Variants in APBB1IP observed in about 807,000 individuals in gnomAD.
The protein encoded by APBB1IP is amyloid beta precursor protein binding family B member 1 interacting protein.
APBB1IP carries 27 observed loss-of-function variants against 64.9 expected under a neutral mutation model. The ratio of observed to expected loss-of-function variants is 0.42; its 90% CI spans 0.31 to 0.57. The LOEUF is 0.57. Among genes scored for constraint, APBB1IP ranks in the 20% least tolerant of loss-of-function variants. The pLI is 0.20. For synonymous variants in APBB1IP, 392 were observed against 331.0 expected (o/e 1.18, Z -2.00); for missense variants, 812 against 845.5 (o/e 0.96, Z 0.49).
intron 2 of APBB1IP, among the ~76,000 whole-genome samples, chr10:26,472,713 G>A (rs576519527): frequency 6.6e-6 from 1 of 152,244 alleles, no homozygotes; most frequent in African/African-American, 2.4e-5. Context: ...AAGGCCGGCA[G>A]ATCACCTGAA....
intron 2 of APBB1IP, among the ~76,000 whole-genome samples, chr10:26,473,476 T>C (rs1482015338): frequency 6.6e-6 from 1 of 152,216 alleles, no homozygotes; most frequent in Admixed American, 6.5e-5. Flanking sequence ...GTGAGTCTTT[T>C]TGAAAGCTTT....
At chr10:26,449,829 A>G (rs1370406862) in intron 2 of APBB1IP, among the ~76,000 whole-genome samples, 1 of 152,052 alleles carries the variant, frequency 6.6e-6, no homozygotes, top group Non-Finnish European at 1.5e-5. Flanking sequence ...GGGCAATACA[A>G]TGAGACCCTG....
chr10:26,478,338 G>A (rs560767678), intron 2 of APBB1IP, among the ~76,000 whole-genome samples: 31 of 152,210 alleles, frequency 2.0e-4, no homozygotes, highest in Non-Finnish European at 2.6e-4. Flanking sequence ...GGGCCAGTGA[G>A]TGGGGCGGGA....
At chr10:26,458,809 C>T (rs1835556198) in intron 2 of APBB1IP, among the ~76,000 whole-genome samples, 1 of 151,938 alleles carries the variant, frequency 6.6e-6, no homozygotes. Flanking sequence ...CTACTTTATT[C>T]TTATTTACTG....
chr10:26,483,861 T>G (rs1038743715), intron 2 of APBB1IP, among the ~76,000 whole-genome samples: 4 of 152,140 alleles, frequency 2.6e-5, no homozygotes, highest in Non-Finnish European at 5.9e-5. Flanking sequence ...TACAGGCGCA[T>G]GCCAATATGA....
At chr10:26,506,716 C>T (rs975647526) in intron 6 of APBB1IP, among the ~76,000 whole-genome samples, 2 of 152,158 alleles carry the variant, frequency 1.3e-5, no homozygotes, top group Non-Finnish European at 2.9e-5. Context: ...ATCTTTGTCT[C>T]TTTTCCCCAC....
intron 8 of APBB1IP, among the ~76,000 whole-genome samples, chr10:26,529,428 G>A (rs1289774578): frequency 2.6e-5 from 4 of 152,242 alleles, no homozygotes; most frequent in African/African-American, 9.6e-5. Context: ...TGGTCACTTA[G>A]AAGGATATTC....
chr10:26,474,446 G>A (rs1475544303), intron 2 of APBB1IP, among the ~76,000 whole-genome samples: 1 of 152,178 alleles, frequency 6.6e-6, no homozygotes, highest in Non-Finnish European at 1.5e-5. Context: ...TAATCGCCCA[G>A]GAAAATCTTC....
chr10:26,477,385 G>A (rs1835788147), intron 2 of APBB1IP, among the ~76,000 whole-genome samples: 1 of 152,168 alleles, frequency 6.6e-6, no homozygotes, highest in Non-Finnish European at 1.5e-5. Context: ...TCTGAGTCTT[G>A]TTGTGCATTT....
chr10:26,531,352 T>C (rs892637565), intron 8 of APBB1IP, among the ~76,000 whole-genome samples: 1 of 143,822 alleles, frequency 7.0e-6, no homozygotes, highest in Admixed American at 6.9e-5. Flanking sequence ...ACAAAAAAAA[T>C]TGTGCTTGAC....
intron 8 of APBB1IP, among the ~76,000 whole-genome samples, chr10:26,532,358 G>A (rs1836565394): frequency 6.6e-6 from 1 of 152,070 alleles, no homozygotes; most frequent in Non-Finnish European, 1.5e-5. Context: ...TGATTTTTTG[G>A]AACCCTTTAT....
At chr10:26,479,962 A>G (rs536266765) in intron 2 of APBB1IP, among the ~76,000 whole-genome samples, 1 of 152,308 alleles carries the variant, frequency 6.6e-6, no homozygotes, top group Non-Finnish European at 1.5e-5. Flanking sequence ...GTTCTTACTA[A>G]CATGGCACCC....
intron 3 of APBB1IP, among the ~76,000 whole-genome samples, chr10:26,495,432 G>A (rs1433912363): frequency 1.3e-5 from 2 of 151,082 alleles, no homozygotes; most frequent in Non-Finnish European, 2.9e-5. Context: ...CAGAGTCTGG[G>A]ATTTTTGCAG....
At chr10:26,565,466 A>G (rs903857417) in intron 14 of APBB1IP, among the ~76,000 whole-genome samples, 1 of 152,220 alleles carries the variant, frequency 6.6e-6, no homozygotes, top group African/African-American at 2.4e-5. Flanking sequence ...GAGATATACC[A>G]CGAAAGCCCC....
At chr10:26,562,296 A>C (rs1049364601) in intron 13 of APBB1IP, 30 bp from the exon 14 acceptor site, 2 of 1,510,662 alleles carry the variant, frequency 1.3e-6, no homozygotes, top group Admixed American at 3.4e-5. Flanking sequence ...TGCTTTGCTC[A>C]CTCTTCTTTT....
rs1837056112 is a variant in APBB1IP, at chr10:26,567,073, G to T, written c.1586G>T (p.Ser529Ile). 1 of 1,485,684 alleles carries T rather than the reference G, an allele frequency of 6.7e-7. No homozygotes were observed. The highest frequency in any genetic ancestry group is 1.3e-5 in the South Asian group (1 of 79,596). The allele number at this position is 1,485,684 out of a possible 1,614,324, so 92.0% of individuals were successfully genotyped here. A position where few individuals can be genotyped will look rare whatever the true frequency, so the allele number is the denominator to read the frequency against. Reference protein sequence around the residue: ...PPPVRRSSDTSGSPATPLKAK... With the variant: ...PPPVRRSSDTIGSPATPLKAK... ...CCGGTGCGGAGGTCCTCCGACACCA[G>T]CGGCAGTCCCGCCACGCCCCTCAAG... Residue 529 changes from serine to isoleucine, a missense_variant, in exon 15 of 15, where the codon AGC becomes ATC. Ser to Ile is a moderately radical substitution (Grantham distance 142). Around this residue, in one of 3 missense-constraint regions of APBB1IP, gnomAD observed 381 missense variants for 352.1 expected, o/e 1.08. Coordinates refer to ENST00000376236, the MANE Select transcript of APBB1IP (RefSeq NM_019043.4).
intron 2 of APBB1IP, among the ~76,000 whole-genome samples, chr10:26,474,246 G>A (rs1036618761): frequency 6.6e-6 from 1 of 152,186 alleles, no homozygotes; most frequent in Admixed American, 6.5e-5. Context: ...TCTAAGCAAA[G>A]CCTGGAATTT....
intron 2 of APBB1IP, among the ~76,000 whole-genome samples, chr10:26,490,335 T>C (rs1346915994): frequency 6.6e-6 from 1 of 152,068 alleles, no homozygotes; most frequent in African/African-American, 2.4e-5. Flanking sequence ...TTAGAAAGTA[T>C]CTTTATGGGC....
chr10:26,509,855 T>TA (rs1484114170), intron 6 of APBB1IP, among the ~76,000 whole-genome samples: 1 of 152,210 alleles, frequency 6.6e-6, no homozygotes, highest in Non-Finnish European at 1.5e-5. Context: ...ATGCTACAAA[T>TA]ACACAGGTAT....
Sources: allele counts gnomAD v4.1 joint callset (sites outside exome capture counted in the v4.1 genomes callset), GRCh38; gene constraint gnomAD v4.1.1; regional missense constraint gnomAD v4.1.1; transcripts MANE v1.5; gene names NCBI Gene and HGNC (gene_info 2026-07-23, HGNC 2026-07-21).